Variants in GLG1 observed in about 807,000 individuals in gnomAD.
The protein encoded by GLG1 is golgi glycoprotein 1.
A neutral mutation model predicts 160.5 loss-of-function variants in GLG1; 38 were observed. The observed-to-expected ratio is 0.24, with a 90% CI of 0.18 to 0.31. The LOEUF is 0.31. Among genes scored for constraint, GLG1 ranks in the 10% least tolerant of loss-of-function variants. GLG1 has a pLI of 1.00. For missense variants in GLG1, 1,373 were observed against 1,505.2 expected (o/e 0.91, Z 1.45); for synonymous variants, 644 against 543.4 (o/e 1.19, Z -2.57).
chr16:74,593,430 C>CTT (rs11342633), intron 1 of GLG1, among the ~76,000 whole-genome samples: 33 of 96,372 alleles, frequency 3.4e-4, no homozygotes, highest in African/African-American at 7.6e-4. Flanking sequence ...AGTACCAGAG[C>CTT]TTTTTTTTTT....
chr16:74,600,614 C>T (rs777774109), intron 1 of GLG1, among the ~76,000 whole-genome samples: 1 of 151,562 alleles, frequency 6.6e-6, no homozygotes, highest in Non-Finnish European at 1.5e-5. Flanking sequence ...TGTCTGCAGT[C>T]CCAGCTACTC....
chr16:74,585,963 C>T (rs1375941446), intron 1 of GLG1, among the ~76,000 whole-genome samples: 2 of 149,516 alleles, frequency 1.3e-5, no homozygotes, highest in African/African-American at 2.5e-5. Context: ...CTTGGGGGGC[C>T]GAAGCAGGAG....
At chr16:74,499,173 G>A (rs1399796567) in intron 4 of GLG1, among the ~76,000 whole-genome samples, 2 of 152,110 alleles carry the variant, frequency 1.3e-5, no homozygotes, top group Non-Finnish European at 2.9e-5. Context: ...TTATTTATGG[G>A]GTTAATCTGG....
At chr16:74,552,993 C>T (rs189758204) in intron 1 of GLG1, among the ~76,000 whole-genome samples, 1 of 151,982 alleles carries the variant, frequency 6.6e-6, no homozygotes, top group South Asian at 2.1e-4. Flanking sequence ...CAGAGGCGAG[C>T]GGATCACTTG....
chr16:74,500,604 T>C (rs751961137), intron 4 of GLG1, among the ~76,000 whole-genome samples: 3 of 151,890 alleles, frequency 2.0e-5, no homozygotes, highest in Non-Finnish European at 4.4e-5. Flanking sequence ...TCTACCTCAC[T>C]AGATAAAGGA....
Position 74,520,611 on chromosome 16 carries a change from G to A in GLG1, c.471+11510C>T, listed in dbSNP as rs553786131. Among the ~76,000 whole-genome samples the A allele has an allele frequency of 1.2e-4, 18 of 152,132 alleles. No homozygotes were observed. In the East Asian group the frequency reaches 2.9e-3, roughly 24 times the overall value. On this transcript the variant is annotated intron_variant, in intron 2 of 25. Transcript: ENST00000422840. ...AGATCACACCATTGCACTCCAGCCC[G>A]GACAACAAGAGCGAAACTCCATCTC...
intron 1 of GLG1, among the ~76,000 whole-genome samples, chr16:74,554,670 A>G (rs2143711644): frequency 6.6e-6 from 1 of 152,376 alleles, no homozygotes; most frequent in South Asian, 2.1e-4. Context: ...GAAAAGAACT[A>G]TTGTATAGAA....
At chr16:74,471,478 G>T (rs1188666553) in intron 14 of GLG1, among the ~76,000 whole-genome samples, 192 bp from the exon 15 acceptor site, 1 of 152,096 alleles carries the variant, frequency 6.6e-6, no homozygotes, top group Admixed American at 6.6e-5. Flanking sequence ...AACTAACACA[G>T]CACTGTGTTC....
intron 1 of GLG1, among the ~76,000 whole-genome samples, chr16:74,593,129 A>G (rs577349547): frequency 1.3e-5 from 2 of 152,108 alleles, no homozygotes; most frequent in African/African-American, 4.8e-5. Context: ...GGACTTCCCA[A>G]CCTCCAGAAC....
chr16:74,492,879 G>A (rs1037591297), intron 7 of GLG1, 78 bp downstream of exon 7: 10 of 742,700 alleles, frequency 1.3e-5, no homozygotes, highest in African/African-American at 9.3e-5. Flanking sequence ...GGAAACTAAC[G>A]TTTATATATA....
intron 1 of GLG1, among the ~76,000 whole-genome samples, chr16:74,591,356 C>T (rs1381302016): frequency 2.7e-5 from 4 of 148,170 alleles, no homozygotes; most frequent in Non-Finnish European, 4.5e-5. Flanking sequence ...AGGCCTGGCA[C>T]GGTGGCTCAC....
At chr16:74,469,875 C>T in intron 16 of GLG1, 110 bp downstream of exon 16, 1 of 759,058 alleles carries the variant, frequency 1.3e-6, no homozygotes, top group Non-Finnish European at 2.4e-6. Flanking sequence ...GGGAGGCCTC[C>T]AGGGCTAACC....
intron 1 of GLG1, among the ~76,000 whole-genome samples, chr16:74,568,056 G>A (rs1465607384): frequency 6.6e-6 from 1 of 152,182 alleles, no homozygotes; most frequent in East Asian, 1.9e-4. Context: ...CTCAGACAAT[G>A]ACAAACAATA....
At position 74,575,507 on chromosome 16, in the gene GLG1, G is replaced by C. The variant is rs2018977294; in HGVS notation, c.438+31150C>G. Among the ~76,000 whole-genome samples the C allele has an allele frequency of 2.0e-5, 3 of 152,146 alleles. No homozygotes were observed. The South Asian group carries it at 6.2e-4, about 32-fold the overall frequency. Reference sequence around the variant, plus strand: ...CCAGGTAACCAGAGGACTTTTGCTGGAAGCTAACTACCAATATTAGAACTC... The same window carrying C: ...CCAGGTAACCAGAGGACTTTTGCTGCAAGCTAACTACCAATATTAGAACTC... On this transcript the variant is annotated intron_variant, in intron 1 of 25. Coordinates refer to ENST00000422840, the MANE Select transcript of GLG1 (RefSeq NM_001145667.2).
At chr16:74,475,842 C>G (rs1479955508) in intron 12 of GLG1, among the ~76,000 whole-genome samples, 1 of 151,898 alleles carries the variant, frequency 6.6e-6, no homozygotes, top group African/African-American at 2.4e-5. Context: ...AGGAAAATAC[C>G]CCAAACTTTT....
intron 1 of GLG1, among the ~76,000 whole-genome samples, chr16:74,559,279 T>TA (rs575560127): frequency 1.9e-3 from 271 of 144,434 alleles, no homozygotes; most frequent in Middle Eastern, 3.6e-3. Context: ...TCCTGCTGTT[T>TA]AAAAAAAAAA....
At chr16:74,469,315 T>C (rs936044161) in intron 16 of GLG1, 93 of 537,302 alleles carry the variant, frequency 1.7e-4, no homozygotes, top group Non-Finnish European at 2.7e-5. Context: ...AGGGCACATG[T>C]GTGCAACGAC....
At chr16:74,559,222 T>A (rs8055380) in intron 1 of GLG1, among the ~76,000 whole-genome samples, 83,284 of 151,618 alleles carry the variant, frequency 0.55, 23,779 homozygotes, top group East Asian at 0.8. Flanking sequence ...TCCTGCTTCA[T>A]ATGACTTTTA....
chr16:74,602,252 T>G (rs927327406), intron 1 of GLG1, among the ~76,000 whole-genome samples: 1 of 152,186 alleles, frequency 6.6e-6, no homozygotes, highest in Non-Finnish European at 1.5e-5. Context: ...GGCTACAAAT[T>G]TATAATCTGA....
Sources: gnomAD v4.1 joint callset for allele counts (sites outside exome capture counted in the v4.1 genomes callset) on GRCh38, gnomAD v4.1.1 for gene constraint, MANE v1.5 for transcripts, NCBI Gene and HGNC (gene_info 2026-07-23, HGNC 2026-07-21) for gene names.